Variants in PPP2R2C observed in about 807,000 individuals in gnomAD.
PPP2R2C encodes the protein protein phosphatase 2 regulatory subunit Bgamma, also known as protein phosphatase 2, regulatory subunit B, gamma.
Under a neutral mutation model 45.3 loss-of-function variants are expected in PPP2R2C, and 10 were observed. That is an observed-to-expected ratio of 0.22 (90% CI 0.14 to 0.37). The LOEUF (loss-of-function observed/expected upper bound fraction) is 0.37, where lower values mean the gene tolerates loss of function less well. Among genes scored for constraint, PPP2R2C ranks in the 10% least tolerant of loss-of-function variants. PPP2R2C has a pLI of 1.00. For synonymous variants in PPP2R2C, 257 were observed against 245.4 expected, an observed-to-expected ratio of 1.05 and a Z score of -0.44; for missense variants, 308 against 619.7, an observed-to-expected ratio of 0.50 and a Z score of 5.34.
intron 8 of PPP2R2C, among the ~76,000 whole-genome samples, chr4:6,325,507 G>A (rs1403821266): frequency 2.0e-5 from 3 of 152,172 alleles, no homozygotes; most frequent in East Asian, 1.9e-4. Context: ...TTGTTCTTCA[G>A]GGAACAGTTC....
chr4:6,544,805 A>C (rs1216345828), intron 1 of PPP2R2C, among the ~76,000 whole-genome samples: 1 of 152,216 alleles, frequency 6.6e-6, no homozygotes, highest in African/African-American at 2.4e-5. Context: ...AAAGAAGCAA[A>C]TTAGCACAAA....
At chr4:6,451,684 TG>T (rs1185616761) in intron 1 of PPP2R2C, among the ~76,000 whole-genome samples, 1 of 152,084 alleles carries the variant, frequency 6.6e-6, no homozygotes, top group Non-Finnish European at 1.5e-5. Flanking sequence ...TGTGGAGGTT[TG>T]GGGATGGCCA....
At chr4:6,446,212 C>T (rs899678003) in intron 1 of PPP2R2C, among the ~76,000 whole-genome samples, 1 of 152,204 alleles carries the variant, frequency 6.6e-6, no homozygotes, top group Non-Finnish European at 1.5e-5. Context: ...CTCTAGAACT[C>T]GGAGCTGCCC....
intron 5 of PPP2R2C, among the ~76,000 whole-genome samples, chr4:6,353,454 C>T (rs1388498188): frequency 2.2e-4 from 11 of 49,396 alleles, no homozygotes; most frequent in African/African-American, 9.4e-4. Flanking sequence ...CCCCAACACC[C>T]GACAGCCCCC....
At chr4:6,337,106 G>GTGTA (rs1183760527) in intron 6 of PPP2R2C, among the ~76,000 whole-genome samples, 64 of 19,258 alleles carry the variant, frequency 3.3e-3, no homozygotes, top group African/African-American at 0.018. Flanking sequence ...TTCTGTATGT[G>GTGTA]TGTGTGTATA....
At chr4:6,323,614 A>G (rs2109144475) in intron 8 of PPP2R2C, 21 bp from the exon 9 acceptor site, 1 of 1,531,564 alleles carries the variant, frequency 6.5e-7, no homozygotes, top group Non-Finnish European at 8.8e-7. Flanking sequence ...AAGGAGAGGC[A>G]TCAGGTGAGG....
At position 6,421,718 on chromosome 4, in the gene PPP2R2C, C is replaced by T. The variant is rs1000684207; in HGVS notation, c.71-40624G>A. On this transcript the variant is annotated intron_variant, in intron 1 of 8. Transcript: ENST00000382599. ...CGAGGGGGAGCCACCTGCACTGGCA[C>T]TCGGAGGCCCAGCCTCCCTGGGGGA... 1.0e-3 allele frequency among the ~76,000 whole-genome samples: 11 copies of T among 10,970 alleles called. No individual in the cohort carries two copies. In the Admixed American group the frequency reaches 0.019, roughly 19 times the overall value. 7.2% of individuals were successfully genotyped at this position (10,970 alleles called of 152,430 possible).
intron 1 of PPP2R2C, among the ~76,000 whole-genome samples, chr4:6,462,466 G>A (rs1212402405): frequency 6.6e-6 from 1 of 151,668 alleles, no homozygotes; most frequent in Admixed American, 6.6e-5. Context: ...GCGACAGAGT[G>A]AAACTCCGTC....
chr4:6,482,847 G>A (rs1053208672), intron 2 of PPP2R2C, among the ~76,000 whole-genome samples: 18 of 152,112 alleles, frequency 1.2e-4, no homozygotes, highest in African/African-American at 3.6e-4. Context: ...TTTGCTATCA[G>A]GTTTTGATAG....
intron 2 of PPP2R2C, among the ~76,000 whole-genome samples, chr4:6,513,558 G>A (rs937727713): frequency 1.3e-5 from 2 of 152,222 alleles, no homozygotes; most frequent in Admixed American, 6.5e-5. Context: ...GCCAGCAATT[G>A]CCATGCACAG....
intron 1 of PPP2R2C, chr4:6,381,899 C>G: frequency 6.3e-7 from 1 of 1,596,884 alleles, no homozygotes; most frequent in Non-Finnish European, 8.5e-7. Context: ...CCTTCCATCA[C>G]CAACATTCTC....
At chr4:6,461,627 A>C (rs1305750714) in intron 1 of PPP2R2C, among the ~76,000 whole-genome samples, 1 of 152,250 alleles carries the variant, frequency 6.6e-6, no homozygotes, top group Non-Finnish European at 1.5e-5. Context: ...TCCTGGGCCA[A>C]CTGGGATCAT....
At chr4:6,439,521 G>C (rs751213262) in intron 1 of PPP2R2C, among the ~76,000 whole-genome samples, 1 of 152,128 alleles carries the variant, frequency 6.6e-6, no homozygotes, top group Non-Finnish European at 1.5e-5. Context: ...TTCTAAATTA[G>C]GGAGACATGA....
Position 6,329,400 on chromosome 4 carries a change from C to A in PPP2R2C, c.961-47G>T. The A allele has an allele frequency of 6.6e-7, 1 of 1,521,472 alleles. No individual in the cohort carries two copies. Among genetic ancestry groups the A allele is most frequent in the South Asian group, 1.1e-5 (1 of 88,546 alleles). 94.2% of individuals were successfully genotyped at this position (1,521,472 alleles called of 1,614,324 possible). On this transcript the variant is annotated intron_variant, in intron 7 of 8. Coordinates refer to ENST00000382599, the MANE Select transcript of PPP2R2C (RefSeq NM_020416.4). The surrounding 1 kb of genome is among the most constrained non-coding windows in gnomAD (Gnocchi z 5.8). Reference sequence around the variant, plus strand: ...TGAGTGGACGGGGCGTCCCGACCATCCTGGCCCTTCCACAAGAAGGGTCTC... The same window carrying A: ...TGAGTGGACGGGGCGTCCCGACCATACTGGCCCTTCCACAAGAAGGGTCTC...
chr4:6,390,548 G>A (rs1310653697), intron 1 of PPP2R2C, among the ~76,000 whole-genome samples: 4 of 152,342 alleles, frequency 2.6e-5, no homozygotes, highest in Middle Eastern at 3.4e-3. Flanking sequence ...ACGCCGGGCG[G>A]CGGGCGCATG....
chr4:6,432,756 A>T (rs1719692107), intron 1 of PPP2R2C, among the ~76,000 whole-genome samples: 2 of 152,234 alleles, frequency 1.3e-5, no homozygotes, highest in Non-Finnish European at 2.9e-5. Flanking sequence ...CTGCCAAATA[A>T]GTTAGGAAAA....
In PPP2R2C at chr4:6,413,768, C is replaced by T; in HGVS notation, c.71-32674G>A. The stretch of plus-strand genomic sequence containing the variant: ...ATCCTGGTGGTGGCAGCTGGGGTCA[C>T]TGAGACTCTGAGAAGTGGAGACTGG... On this transcript the variant is annotated intron_variant, in intron 1 of 8. Transcript: ENST00000382599. 6.8e-6 allele frequency: 8 copies of T among 1,176,786 alleles called. No homozygotes were observed. In the South Asian group the frequency reaches 1.2e-4, roughly 18 times the overall value. 72.9% of individuals were successfully genotyped at this position (1,176,786 alleles called of 1,614,324 possible).
intron 4 of PPP2R2C, among the ~76,000 whole-genome samples, chr4:6,374,588 G>A (rs1471537872): frequency 2.6e-5 from 4 of 152,206 alleles, no homozygotes; most frequent in Non-Finnish European, 5.9e-5. Context: ...AGGGTTTTAT[G>A]GGATGTATGG....
intron 2 of PPP2R2C, among the ~76,000 whole-genome samples, chr4:6,530,326 C>T (rs901653183): frequency 1.3e-5 from 2 of 152,174 alleles, no homozygotes; most frequent in Non-Finnish European, 2.9e-5. Flanking sequence ...CCGCCATTTT[C>T]CATGCACGCG....
Sources: gnomAD v4.1 joint callset for allele counts (sites outside exome capture counted in the v4.1 genomes callset) on GRCh38, gnomAD v4.1.1 for gene constraint, Gnocchi (gnomAD v3.1) non-coding constraint, MANE v1.5 for transcripts, NCBI Gene and HGNC (gene_info 2026-07-23, HGNC 2026-07-21) for gene names.